The following ZNF710 variants were observed in gnomAD, a reference collection of about 807,000 sequenced individuals.
The protein encoded by ZNF710 is zinc finger protein 710.
Under a neutral mutation model 50.6 loss-of-function variants are expected in ZNF710, and 13 were observed. The observed-to-expected ratio is 0.26, with a 90% CI of 0.17 to 0.41. The LOEUF is 0.41. ZNF710 is among the 10% of genes least tolerant of loss of function. ZNF710 has a pLI of 1.00. For missense variants in ZNF710, 721 were observed against 936.6 expected, an observed-to-expected ratio of 0.77 and a Z score of 3.01; for synonymous variants, 383 against 397.0, an observed-to-expected ratio of 0.96 and a Z score of 0.42.
intron 1 of ZNF710, among the ~76,000 whole-genome samples, chr15:90,065,230 G>A (rs1383251869): frequency 1.3e-5 from 2 of 152,184 alleles, no homozygotes; most frequent in African/African-American, 4.8e-5. Context: ...GCTGGGCGCT[G>A]GGGGGAGGGG....
Position 90,040,289 on chromosome 15 carries a change from A to G in ZNF710, c.-28-26821A>G, listed in dbSNP as rs548953668. 7.9e-5 allele frequency among the ~76,000 whole-genome samples: 12 copies of G among 152,350 alleles called. No homozygotes were observed. In the South Asian group the frequency reaches 2.3e-3, roughly 29 times the overall value. ...CTGGTCCCCAGCTCTAGGCAACAGCAGAAACCCTGGTACCCAGATCCCCCA... is the reference window on the plus strand; with the variant it reads ...CTGGTCCCCAGCTCTAGGCAACAGCGGAAACCCTGGTACCCAGATCCCCCA... On this transcript the variant is annotated intron_variant, in intron 1 of 4. Coordinates refer to ENST00000268154, the MANE Select transcript of ZNF710 (RefSeq NM_198526.4). This position sits in a 1 kb window ranked among gnomAD's most constrained non-coding sequence, Gnocchi z 4.6.
upstream of ZNF710, among the ~76,000 whole-genome samples, chr15:90,000,270 C>T (rs1243124064): frequency 6.6e-6 from 1 of 152,238 alleles, no homozygotes; most frequent in African/African-American, 2.4e-5. Flanking sequence ...CGGCTCTGTC[C>T]GAGGGCTCCG....
intron 1 of ZNF710, among the ~76,000 whole-genome samples, chr15:90,047,595 T>G: frequency 6.6e-6 from 1 of 150,808 alleles, no homozygotes; most frequent in East Asian, 2.0e-4. Flanking sequence ...TTTTTCTTTT[T>G]TTTTTTTTGA....
At chr15:90,061,318 G>T (rs1411348729) in intron 1 of ZNF710, among the ~76,000 whole-genome samples, 1 of 151,230 alleles carries the variant, frequency 6.6e-6, no homozygotes. Flanking sequence ...CTACAGGCAT[G>T]CCACCACACT....
intron 1 of ZNF710, among the ~76,000 whole-genome samples, chr15:90,005,738 G>A (rs1380220665): frequency 2.8e-4 from 42 of 152,346 alleles, no homozygotes; most frequent in Admixed American, 2.7e-3. Flanking sequence ...GTGAGCCACT[G>A]CACCCGGCCT....
chr15:90,055,239 GT>G (rs1899774259), intron 1 of ZNF710, among the ~76,000 whole-genome samples: 1 of 152,198 alleles, frequency 6.6e-6, no homozygotes, highest in South Asian at 2.1e-4. Flanking sequence ...CCTGGTCAGG[GT>G]GGGGCAGGGG....
chr15:90,067,089 C>T lies in ZNF710; in HGVS notation c.-28-21C>T. The T allele has an allele frequency of 6.5e-7, 1 of 1,541,044 alleles. No individual in the cohort carries two copies. Among genetic ancestry groups the T allele is most frequent in the South Asian group, 1.2e-5 (1 of 80,144 alleles). On this transcript the variant is annotated intron_variant, in intron 1 of 4. Coordinates refer to ENST00000268154, the MANE Select transcript of ZNF710 (RefSeq NM_198526.4). The surrounding 1 kb of genome is among the most constrained non-coding windows in gnomAD (Gnocchi z 8.1). Reference sequence around the variant, plus strand: ...TGCAGGAGTGAGCCAGCAATATTAACCTTCCCTTCTCCACCCACAGCGATG... The same window carrying T: ...TGCAGGAGTGAGCCAGCAATATTAATCTTCCCTTCTCCACCCACAGCGATG...
chr15:90,078,861 C>G (rs1261660531), intron 4 of ZNF710, among the ~76,000 whole-genome samples: 2 of 152,230 alleles, frequency 1.3e-5, no homozygotes, highest in African/African-American at 4.8e-5. Flanking sequence ...GGGGGCCAGC[C>G]ACAGCCCCTG....
intron 1 of ZNF710, among the ~76,000 whole-genome samples, chr15:90,007,900 G>T (rs1898179750): frequency 6.6e-6 from 1 of 151,896 alleles, no homozygotes; most frequent in African/African-American, 2.4e-5. Flanking sequence ...AATAGCTCCA[G>T]GTTGCCAGGC....
chr15:90,068,640 C>T lies in ZNF710; in HGVS notation c.1458+45C>T, dbSNP rs929868641. On this transcript the variant is annotated intron_variant, in intron 2 of 4. Coordinates refer to ENST00000268154, the MANE Select transcript of ZNF710 (RefSeq NM_198526.4). This position sits in a 1 kb window ranked among gnomAD's most constrained non-coding sequence, Gnocchi z 5.0. ...CTGGGCATCTGCCTGCCCCTCCTGC[C>T]ACTTTTTCATCCAGTACTTTCCAAA... is the stretch of plus-strand genomic sequence containing the variant. 1.5e-5 allele frequency: 23 copies of T among 1,541,394 alleles called. No homozygotes were observed. Among genetic ancestry groups the T allele is most frequent in the Non-Finnish European group, 1.8e-5 (21 of 1,146,200 alleles).
chr15:90,048,158 G>T (rs1351789733), intron 1 of ZNF710, among the ~76,000 whole-genome samples: 2 of 152,378 alleles, frequency 1.3e-5, no homozygotes, highest in East Asian at 3.9e-4. Context: ...AGCCCACACA[G>T]GTGCTGCCCA....
intron 1 of ZNF710, among the ~76,000 whole-genome samples, chr15:90,039,786 C>T (rs901468920): frequency 5.9e-5 from 9 of 152,186 alleles, no homozygotes; most frequent in Middle Eastern, 3.4e-3. Flanking sequence ...CTGCATCTGC[C>T]GTGGTCTGGG....
intron 1 of ZNF710, among the ~76,000 whole-genome samples, chr15:90,013,680 C>A (rs1222103226): frequency 6.6e-6 from 1 of 152,142 alleles, no homozygotes; most frequent in Non-Finnish European, 1.5e-5. Context: ...AAGATTACTT[C>A]CTTCCTGAAT....
At chr15:90,063,796 C>G (rs1248392664) in intron 1 of ZNF710, among the ~76,000 whole-genome samples, 1 of 152,156 alleles carries the variant, frequency 6.6e-6, no homozygotes, top group Non-Finnish European at 1.5e-5. Flanking sequence ...GCAGTGTTAA[C>G]TGTTTCCTTA....
intron 4 of ZNF710, chr15:90,075,596 G>A (rs982494921): frequency 1.3e-5 from 2 of 152,212 alleles, no homozygotes; most frequent in African/African-American, 4.8e-5. Flanking sequence ...GTAACCAGGT[G>A]AGCTGACTTG....
chr15:90,020,711 C>A (rs1318290574), intron 1 of ZNF710, among the ~76,000 whole-genome samples: 1 of 152,186 alleles, frequency 6.6e-6, no homozygotes, highest in African/African-American at 2.4e-5. Context: ...CTCAAAGTGC[C>A]AGCAATGGCT....
At chr15:90,031,882 G>C (rs1187887642) in intron 1 of ZNF710, among the ~76,000 whole-genome samples, 1 of 152,186 alleles carries the variant, frequency 6.6e-6, no homozygotes, top group African/African-American at 2.4e-5. Flanking sequence ...CTGTTACAGT[G>C]GCTTTTTATT....
intron 1 of ZNF710, among the ~76,000 whole-genome samples, chr15:90,051,552 G>A (rs1211117010): frequency 6.6e-6 from 1 of 152,074 alleles, no homozygotes; most frequent in Admixed American, 6.5e-5. Context: ...AGAATCGCTT[G>A]AACTGGGGAG....
chr15:90,028,197 T>A (rs1898834399), intron 1 of ZNF710, among the ~76,000 whole-genome samples: 1 of 152,334 alleles, frequency 6.6e-6, no homozygotes, highest in East Asian at 1.9e-4. Context: ...ATATAATAGA[T>A]GTTAACATTT....
Sources: allele counts gnomAD v4.1 joint callset (sites outside exome capture counted in the v4.1 genomes callset), GRCh38; gene constraint gnomAD v4.1.1; non-coding constraint Gnocchi (gnomAD v3.1); transcripts MANE v1.5; gene names NCBI Gene and HGNC (gene_info 2026-07-23, HGNC 2026-07-21).